Variants in NBAS observed in about 807,000 individuals in gnomAD.
NBAS encodes NBAS subunit of NRZ tethering complex, also known as NAG/BC035112 fusion.
NBAS carries 219 observed loss-of-function variants against 302.5 expected under a neutral mutation model. That is an observed-to-expected ratio of 0.72 (90% CI 0.65 to 0.81). The LOEUF is 0.81. NBAS is among the 30% of genes least tolerant of loss of function. NBAS has a pLI of 0.00. For synonymous variants in NBAS, 1,118 were observed against 1,021.6 expected (o/e 1.09, Z -1.80); for missense variants, 2,932 against 2,841.6 (o/e 1.03, Z -0.72).
intron 35 of NBAS, among the ~76,000 whole-genome samples, chr2:15,341,637 T>G (rs1033298104): frequency 6.6e-6 from 1 of 152,086 alleles, no homozygotes; most frequent in South Asian, 2.1e-4. Context: ...ACGGGCCTTA[T>G]GAAGAAACAG....
intron 21 of NBAS, among the ~76,000 whole-genome samples, chr2:15,428,583 A>C (rs1474642625): frequency 6.6e-6 from 1 of 152,158 alleles, no homozygotes; most frequent in Admixed American, 6.5e-5. Context: ...TTTAAAAATT[A>C]TCCAGGTGTG....
chr2:15,108,820 G>A, the NBAS span, among the ~76,000 whole-genome samples: 7 of 151,986 alleles, frequency 4.6e-5, no homozygotes, highest in South Asian at 2.1e-4. Flanking sequence ...GGGTTTTTAC[G>A]TCTTATCATC....
the NBAS span, among the ~76,000 whole-genome samples, chr2:15,082,300 G>A: frequency 6.6e-6 from 1 of 152,154 alleles, no homozygotes; most frequent in Non-Finnish European, 1.5e-5. Flanking sequence ...TATTCAACAG[G>A]TGTTTATGGA....
chr2:15,148,044 G>A, the NBAS span, among the ~76,000 whole-genome samples: 27 of 152,114 alleles, frequency 1.8e-4, no homozygotes, highest in African/African-American at 5.6e-4. Context: ...TTGCACCCCT[G>A]GTAACCAGGT....
At chr2:15,454,908 A>C in intron 21 of NBAS, among the ~76,000 whole-genome samples, 1 of 123,468 alleles carries the variant, frequency 8.1e-6, no homozygotes, top group South Asian at 2.6e-4. Flanking sequence ...ACTATACTGC[A>C]ATTTTTTTTT....
chr2:14,955,100 C>T, the NBAS span, among the ~76,000 whole-genome samples: 1 of 152,200 alleles, frequency 6.6e-6, no homozygotes, highest in African/African-American at 2.4e-5. Context: ...TATAGGCATT[C>T]GGTAAATACA....
the NBAS span, among the ~76,000 whole-genome samples, chr2:14,787,329 T>C: frequency 6.6e-6 from 1 of 152,170 alleles, no homozygotes; most frequent in Non-Finnish European, 1.5e-5. Flanking sequence ...ACATTTAAAG[T>C]TAATATTGTT....
intron 21 of NBAS, among the ~76,000 whole-genome samples, chr2:15,448,033 A>G (rs1572867862): frequency 6.6e-6 from 1 of 152,158 alleles, no homozygotes; most frequent in East Asian, 1.9e-4. Flanking sequence ...TTCTCTCTCA[A>G]GCCTTTATAA....
At chr2:14,965,763 C>A in the NBAS span, among the ~76,000 whole-genome samples, 2 of 110,976 alleles carry the variant, frequency 1.8e-5, no homozygotes, top group East Asian at 6.7e-4. Context: ...AATATAAATG[C>A]AAAATTCTAA....
In NBAS at chr2:15,330,689, GA is replaced by G. The variant is rs768154511; in HGVS notation, c.4255del (p.Ser1419ProfsTer24). On this transcript the variant is annotated frameshift_variant, in exon 36 of 52. Coordinates refer to ENST00000281513, the MANE Select transcript of NBAS (RefSeq NM_015909.4). LOFTEE classifies it high-confidence loss of function. The part of the protein sequence containing the change: ...WTTATTMKVL[S>X]NTTTTTKAVL... Reference sequence around the variant, plus strand: ...CGCTTTGGTGGTGGTTGTGGTGTTGGAAAGGACTTTCATGGTGGTAGCAGTG... The same window carrying G: ...CGCTTTGGTGGTGGTTGTGGTGTTGGAAGGACTTTCATGGTGGTAGCAGTG... The G allele has an allele frequency of 3.7e-6, 6 of 1,614,102 alleles. No individual in the cohort carries two copies. The South Asian group carries it at 6.6e-5, about 18-fold the overall frequency.
chr2:15,351,736 C>T (rs1673366009), intron 35 of NBAS, among the ~76,000 whole-genome samples: 1 of 151,976 alleles, frequency 6.6e-6, no homozygotes, highest in South Asian at 2.1e-4. Flanking sequence ...TTAGGTACTG[C>T]TTCTTTACCT....
At chr2:14,966,757 T>G in the NBAS span, among the ~76,000 whole-genome samples, 1 of 152,290 alleles carries the variant, frequency 6.6e-6, no homozygotes, top group African/African-American at 2.4e-5. Context: ...GGCTGTCCAC[T>G]CTCGCCGTTT....
chr2:14,830,709 A>G, the NBAS span, among the ~76,000 whole-genome samples: 1,076 of 152,290 alleles, frequency 7.1e-3, 20 homozygotes, highest in African/African-American at 0.024. Flanking sequence ...GCAGCTTTGC[A>G]TGAATGAAAA....
intron 44 of NBAS, among the ~76,000 whole-genome samples, chr2:15,241,954 C>T (rs764162647): frequency 3.3e-5 from 5 of 152,128 alleles, no homozygotes; most frequent in Admixed American, 2.0e-4. Context: ...TTTTACTTGC[C>T]GTCTTGTCTC....
At chr2:14,865,125 G>C in the NBAS span, among the ~76,000 whole-genome samples, 1 of 152,084 alleles carries the variant, frequency 6.6e-6, no homozygotes, top group Non-Finnish European at 1.5e-5. Context: ...AACTATACTA[G>C]AGCTTAGATA....
chr2:15,063,211 T>C, the NBAS span, among the ~76,000 whole-genome samples: 1 of 152,248 alleles, frequency 6.6e-6, no homozygotes, highest in African/African-American at 2.4e-5. Context: ...CTTGTGCTTA[T>C]ACAATTATGT....
the NBAS span, among the ~76,000 whole-genome samples, chr2:14,780,457 T>C: frequency 1.9e-4 from 29 of 152,242 alleles, no homozygotes; most frequent in Non-Finnish European, 3.8e-4. Flanking sequence ...CTTCATTTGA[T>C]TTAAAGAGCT....
chr2:14,901,455 G>T, the NBAS span, among the ~76,000 whole-genome samples: 2 of 151,442 alleles, frequency 1.3e-5, no homozygotes, highest in African/African-American at 2.4e-5. Flanking sequence ...AAAAAAATCG[G>T]AAGGGTAATT....
intron 9 of NBAS, among the ~76,000 whole-genome samples, chr2:15,530,845 C>CA (rs1255971785): frequency 6.6e-6 from 1 of 151,676 alleles, no homozygotes; most frequent in African/African-American, 2.4e-5. Context: ...ATTAATAAAC[C>CA]TACGCCAAGT....
Sources: allele counts gnomAD v4.1 joint callset (sites outside exome capture counted in the v4.1 genomes callset), GRCh38; gene constraint gnomAD v4.1.1; transcripts MANE v1.5; gene names NCBI Gene and HGNC (gene_info 2026-07-23, HGNC 2026-07-21).